The following GPHN variants were observed in gnomAD, a reference collection of about 807,000 sequenced individuals.
GPHN encodes the protein gephyrin.
GPHN carries 17 observed loss-of-function variants against 95.5 expected under a neutral mutation model. The observed-to-expected ratio is 0.18, with a 90% CI of 0.12 to 0.27. The LOEUF (loss-of-function observed/expected upper bound fraction) is 0.27. Among genes scored for constraint, GPHN ranks in the 10% least tolerant of loss-of-function variants. The probability of loss-of-function intolerance (pLI) is 1.00; values close to 1 mark genes in which losing one functional copy is unlikely to be tolerated. For synonymous variants in GPHN, 320 were observed against 322.5 expected (o/e 0.99, Z 0.08); for missense variants, 660 against 978.1 (o/e 0.67, Z 4.34).
chr14:67,213,734 C>T, the GPHN span, among the ~76,000 whole-genome samples: 2 of 152,106 alleles, frequency 1.3e-5, no homozygotes, highest in African/African-American at 2.4e-5. Context: ...CCTGAGGAAT[C>T]GCCACACTGA....
At chr14:67,677,082 AAAT>A in the GPHN span, 1 of 152,180 alleles carries the variant, frequency 6.6e-6, no homozygotes, top group African/African-American at 2.4e-5. Flanking sequence ...ACCAAAGTTA[AAAT>A]ATAATTGTCA....
chr14:66,888,312 A>AG (rs1161593752), intron 5 of GPHN, among the ~76,000 whole-genome samples: 1 of 152,178 alleles, frequency 6.6e-6, no homozygotes, highest in African/African-American at 2.4e-5. Flanking sequence ...CAGAGTCCAG[A>AG]GGGGAAAAAA....
At chr14:67,494,582 T>G in the GPHN span, among the ~76,000 whole-genome samples, 279 of 152,278 alleles carry the variant, frequency 1.8e-3, 2 homozygotes, top group African/African-American at 6.4e-3. Flanking sequence ...CCACACACCA[T>G]GCTTATACTC....
chr14:67,240,321 A>G, the GPHN span, among the ~76,000 whole-genome samples: 1 of 152,188 alleles, frequency 6.6e-6, no homozygotes, highest in South Asian at 2.1e-4. Context: ...GTAATGGGGA[A>G]GAATGTGAAA....
At chr14:67,049,559 C>G (rs1328580457) in intron 10 of GPHN, among the ~76,000 whole-genome samples, 1 of 151,248 alleles carries the variant, frequency 6.6e-6, no homozygotes, top group East Asian at 1.9e-4. Context: ...TGTTGCCAGG[C>G]TGGAGTGCAG....
chr14:67,296,585 CAAAAAAAAAAAAAAAAA>C, the GPHN span, among the ~76,000 whole-genome samples: 2 of 51,000 alleles, frequency 3.9e-5, no homozygotes, highest in South Asian at 4.8e-4. Flanking sequence ...AACTCTGTCT[CAAAAAAAAAAAAAAAAA>C]AAAAAAAAAA....
At chr14:67,664,255 C>T in the GPHN span, among the ~76,000 whole-genome samples, 3 of 152,122 alleles carry the variant, frequency 2.0e-5, no homozygotes, top group Admixed American at 1.3e-4. Flanking sequence ...ACTTGTTTAT[C>T]CTCTCAAACT....
the GPHN span, among the ~76,000 whole-genome samples, chr14:67,237,706 A>G: frequency 6.6e-6 from 1 of 152,210 alleles, no homozygotes; most frequent in Non-Finnish European, 1.5e-5. Flanking sequence ...GGCTAAGCAG[A>G]TGACAAGATG....
intron 5 of GPHN, among the ~76,000 whole-genome samples, chr14:66,891,512 G>A (rs111859621): frequency 0.015 from 2,301 of 152,096 alleles, 33 homozygotes; most frequent in Non-Finnish European, 0.018. Flanking sequence ...TCAAAGACCT[G>A]TACACAAGAG....
chr14:66,838,941 G>C (rs1196363042), intron 4 of GPHN, among the ~76,000 whole-genome samples: 1 of 152,120 alleles, frequency 6.6e-6, no homozygotes, highest in South Asian at 2.1e-4. Context: ...GCATCTGATA[G>C]GGATTCAGAA....
At chr14:66,693,561 AAG>A (rs145789941) in intron 2 of GPHN, among the ~76,000 whole-genome samples, 47,131 of 151,880 alleles carry the variant, frequency 0.31, 11,102 homozygotes, top group African/African-American at 0.63. Flanking sequence ...GTCTTAGGAC[AAG>A]AGAAATTTAT....
At chr14:67,559,545 C>G in the GPHN span, 1 of 1,193,732 alleles carries the variant, frequency 8.4e-7, no homozygotes, top group Admixed American at 2.0e-5. Flanking sequence ...GGGTTTCCCA[C>G]CTCCAGTCAG....
At chr14:67,448,414 T>C in the GPHN span, among the ~76,000 whole-genome samples, 1 of 152,152 alleles carries the variant, frequency 6.6e-6, no homozygotes, top group Non-Finnish European at 1.5e-5. Context: ...TTGAATTGTA[T>C]ATTTTACCAT....
At chr14:67,560,762 C>A in the GPHN span, among the ~76,000 whole-genome samples, 1 of 145,280 alleles carries the variant, frequency 6.9e-6, no homozygotes, top group South Asian at 2.2e-4. Context: ...CGGAGTCTCG[C>A]TCTTGTTTCC....
rs147067044 is a variant in GPHN, at chr14:66,540,075, A to G, written c.64+31484A>G. ...TTATGCTGCATAACAAATGACCTCT[A>G]TTTCAGCAGCTCACAACAACAATTG... On this transcript the variant is annotated intron_variant, in intron 1 of 22. Transcript: ENST00000478722. 6.9e-3 allele frequency among the ~76,000 whole-genome samples: 1,055 copies of G among 152,282 alleles called. 5 individuals are homozygous for G. The highest frequency in any genetic ancestry group is 0.011 in the Non-Finnish European group (730 of 68,026).
At chr14:66,816,788 G>A (rs971877500) in intron 3 of GPHN, among the ~76,000 whole-genome samples, 7 of 152,122 alleles carry the variant, frequency 4.6e-5, no homozygotes, top group Non-Finnish European at 8.8e-5. Context: ...TGGAAGACAA[G>A]TAATAACCAA....
At chr14:67,583,796 C>T in the GPHN span, 1 of 1,612,928 alleles carries the variant, frequency 6.2e-7, no homozygotes, top group South Asian at 1.1e-5. Flanking sequence ...GGCACATCCC[C>T]TGCCAAGGCT....
the GPHN span, among the ~76,000 whole-genome samples, chr14:67,519,787 A>G: frequency 6.6e-6 from 1 of 150,864 alleles, no homozygotes; most frequent in Non-Finnish European, 1.5e-5. Flanking sequence ...CAGTGGCATG[A>G]TCATGGCTTA....
At chr14:67,135,141 G>C (rs1595314316) in intron 17 of GPHN, among the ~76,000 whole-genome samples, 1 of 151,660 alleles carries the variant, frequency 6.6e-6, no homozygotes, top group Non-Finnish European at 1.5e-5. Flanking sequence ...TATATTTTTA[G>C]TAGAGACAGG....
Sources: gnomAD v4.1 joint callset for allele counts (sites outside exome capture counted in the v4.1 genomes callset) on GRCh38, gnomAD v4.1.1 for gene constraint, MANE v1.5 for transcripts, NCBI Gene and HGNC (gene_info 2026-07-23, HGNC 2026-07-21) for gene names.